The following FRAS1 variants were observed in gnomAD, a reference collection of about 807,000 sequenced individuals.
FRAS1 encodes the protein Fraser extracellular matrix complex subunit 1.
FRAS1 carries 290 observed loss-of-function variants against 435.2 expected under a neutral mutation model. The observed-to-expected ratio is 0.67, with a 90% CI of 0.61 to 0.73. The LOEUF is 0.73. Ranked by LOEUF, FRAS1 falls within the 30% of genes least tolerant of loss-of-function variation. The pLI is 0.00. For missense variants in FRAS1, 4,860 were observed against 5,001.5 expected (o/e 0.97, Z 0.85); for synonymous variants, 1,800 against 1,851.0 (o/e 0.97, Z 0.71).
chr4:78,315,500 A>G (rs752860864), intron 15 of FRAS1, 94 bp from the exon 16 acceptor site: 2 of 1,271,400 alleles, frequency 1.6e-6, no homozygotes, highest in Non-Finnish European at 2.2e-6. Flanking sequence ...AGATTATGAT[A>G]TTGATACCCA....
intron 14 of FRAS1, among the ~76,000 whole-genome samples, chr4:78,307,541 C>T (rs376516546): frequency 9.2e-5 from 14 of 152,336 alleles, no homozygotes; most frequent in African/African-American, 2.9e-4. Context: ...AGCCAGGTGC[C>T]GGATTTAATC....
chr4:78,266,784 A>T lies in FRAS1; in HGVS notation c.688-50A>T, dbSNP rs748088572. On this transcript the variant is annotated intron_variant, in intron 7 of 73. Transcript: ENST00000512123. ...TCTTATGTGACAGTGCTTCTATTTGATGTATGGGACATTTGATTTTCCATG... is the reference window on the plus strand; with the variant it reads ...TCTTATGTGACAGTGCTTCTATTTGTTGTATGGGACATTTGATTTTCCATG... 2.9e-6 allele frequency: 4 copies of T among 1,366,890 alleles called. No homozygotes were observed. In the East Asian group the frequency reaches 9.9e-5, roughly 34 times the overall value. 84.7% of individuals were successfully genotyped at this position (1,366,890 alleles called of 1,614,324 possible).
intron 2 of FRAS1, among the ~76,000 whole-genome samples, chr4:78,215,551 C>G (rs1351070343): frequency 6.6e-6 from 1 of 152,136 alleles, no homozygotes; most frequent in East Asian, 1.9e-4. Flanking sequence ...GTTGTACAAC[C>G]AATCCACAGA....
At chr4:78,478,911 C>A (rs1250991163) in intron 55 of FRAS1, among the ~76,000 whole-genome samples, 1 of 152,186 alleles carries the variant, frequency 6.6e-6, no homozygotes, top group Non-Finnish European at 1.5e-5. Flanking sequence ...TATACAGTGG[C>A]AGATTTTATT....
chr4:78,206,528 C>G (rs902747951), intron 2 of FRAS1, among the ~76,000 whole-genome samples: 1 of 152,110 alleles, frequency 6.6e-6, no homozygotes, highest in African/African-American at 2.4e-5. Context: ...AGGAAACAAC[C>G]GTACCATCCC....
chr4:78,261,429 A>G (rs900145737), intron 6 of FRAS1, among the ~76,000 whole-genome samples: 1 of 152,196 alleles, frequency 6.6e-6, no homozygotes, highest in African/African-American at 2.4e-5. Flanking sequence ...ATCCCCAAAT[A>G]TAGCATCTTG....
At chr4:78,403,674 C>T (rs1051320245) in intron 30 of FRAS1, among the ~76,000 whole-genome samples, 1 of 152,172 alleles carries the variant, frequency 6.6e-6, no homozygotes, top group Admixed American at 6.5e-5. Context: ...AGTTCAACCA[C>T]TTGCAGACTC....
chr4:78,256,539 C>G (rs772815273), intron 6 of FRAS1, among the ~76,000 whole-genome samples: 1 of 152,148 alleles, frequency 6.6e-6, no homozygotes, highest in Non-Finnish European at 1.5e-5. Context: ...CCATTGGAAA[C>G]CTTCTGCTTT....
intron 2 of FRAS1, among the ~76,000 whole-genome samples, chr4:78,150,005 C>T (rs757621607): frequency 2.0e-5 from 3 of 152,110 alleles, no homozygotes; most frequent in Admixed American, 1.3e-4. Context: ...ACATCAGTGG[C>T]GAATCCTTAG....
At position 78,102,649 on chromosome 4, in the gene FRAS1, G is replaced by A. The variant is rs564244648; in HGVS notation, c.108+36633G>A. Among the ~76,000 whole-genome samples the A allele has an allele frequency of 2.0e-5, 3 of 152,246 alleles. No homozygotes were observed. In the South Asian group the frequency reaches 6.2e-4, roughly 32 times the overall value. On this transcript the variant is annotated intron_variant, in intron 2 of 73. Coordinates refer to ENST00000512123, the MANE Select transcript of FRAS1 (RefSeq NM_025074.7). Reference sequence around the variant, plus strand: ...AAACATGAGAAGTTGAAGAATTTGTGCAAGCCAAATATATAGTGAGGGCTA... The same window carrying A: ...AAACATGAGAAGTTGAAGAATTTGTACAAGCCAAATATATAGTGAGGGCTA...
chr4:78,480,257 T>C (rs944508300), intron 56 of FRAS1, among the ~76,000 whole-genome samples: 1 of 151,810 alleles, frequency 6.6e-6, no homozygotes, highest in Middle Eastern at 3.2e-3. Flanking sequence ...CTTCCCATCC[T>C]CTGGTAACCA....
At chr4:78,535,870 A>C (rs1289777083) in intron 71 of FRAS1, among the ~76,000 whole-genome samples, 1 of 152,028 alleles carries the variant, frequency 6.6e-6, no homozygotes, top group Non-Finnish European at 1.5e-5. Flanking sequence ...TGTCCCCAGG[A>C]GCCTCTCCTG....
chr4:78,276,970 G>A (rs928026473), intron 9 of FRAS1, among the ~76,000 whole-genome samples: 2 of 152,232 alleles, frequency 1.3e-5, no homozygotes, highest in Non-Finnish European at 1.5e-5. Context: ...TACCCAGTTC[G>A]AGCTTCCCAG....
At chr4:78,430,461 A>AT in intron 37 of FRAS1, 44 bp downstream of exon 37, 3 of 1,583,068 alleles carry the variant, frequency 1.9e-6, no homozygotes, top group Admixed American at 1.8e-5. Flanking sequence ...TGCTTGGAGG[A>AT]TTTTTTGCTC....
At chr4:78,274,229 C>T (rs1249660271) in intron 9 of FRAS1, among the ~76,000 whole-genome samples, 1 of 152,100 alleles carries the variant, frequency 6.6e-6, no homozygotes, top group East Asian at 1.9e-4. Flanking sequence ...GTCTTGCTAT[C>T]AGTCTATCAA....
At chr4:78,073,678 T>A (rs1740478967) in intron 2 of FRAS1, among the ~76,000 whole-genome samples, 1 of 152,208 alleles carries the variant, frequency 6.6e-6, no homozygotes, top group South Asian at 2.1e-4. Context: ...ATTATCATGT[T>A]ATAGTTTAGT....
At chr4:78,302,085 A>G (rs1260033384) in intron 14 of FRAS1, among the ~76,000 whole-genome samples, 1 of 149,692 alleles carries the variant, frequency 6.7e-6, no homozygotes, top group Non-Finnish European at 1.5e-5. Context: ...ATTCCCACCT[A>G]TGAGTGAGAA....
At chr4:78,282,773 AATT>A in intron 11 of FRAS1, 44 bp from the exon 12 acceptor site, 1 of 1,604,746 alleles carries the variant, frequency 6.2e-7, no homozygotes, top group Non-Finnish European at 8.5e-7. Context: ...CTCTCTTCTG[AATT>A]ACTGCATCCT....
chr4:78,301,514 G>A (rs142831974), intron 14 of FRAS1, among the ~76,000 whole-genome samples: 2 of 152,134 alleles, frequency 1.3e-5, no homozygotes, highest in Admixed American at 1.3e-4. Flanking sequence ...AGATAATACT[G>A]GGGGGAAAGA....
Sources: allele counts gnomAD v4.1 joint callset (sites outside exome capture counted in the v4.1 genomes callset), GRCh38; gene constraint gnomAD v4.1.1; transcripts MANE v1.5; gene names NCBI Gene and HGNC (gene_info 2026-07-23, HGNC 2026-07-21).